CLNK: variants seen among roughly 807,000 people sequenced by gnomAD.
CLNK encodes cytokine-dependent hematopoietic cell linker.
A neutral mutation model predicts 68.6 loss-of-function variants in CLNK; 74 were observed. The ratio of observed to expected loss-of-function variants is 1.08; its 90% confidence interval spans 0.89 to 1.31. The LOEUF is 1.31. CLNK is among the 50% of genes most tolerant of loss of function. The pLI is 0.00. For synonymous variants in CLNK, 198 were observed against 172.2 expected, an observed-to-expected ratio of 1.15 and a Z score of -1.17; for missense variants, 553 against 515.3, an observed-to-expected ratio of 1.07 and a Z score of -0.71.
chr4:10,563,239 T>C (rs115308418), intron 7 of CLNK, among the ~76,000 whole-genome samples: 1 of 152,174 alleles, frequency 6.6e-6, no homozygotes, highest in Non-Finnish European at 1.5e-5. Flanking sequence ...CTAATAACTG[T>C]GGTGCAAACT....
intron 4 of CLNK, among the ~76,000 whole-genome samples, chr4:10,581,364 AAGAG>A (rs986954820): frequency 6.6e-6 from 1 of 152,152 alleles, no homozygotes; most frequent in African/African-American, 2.4e-5. Flanking sequence ...CACACATATA[AAGAG>A]AGAGGAGAGA....
chr4:10,628,632 C>T (rs191480076), intron 2 of CLNK, among the ~76,000 whole-genome samples: 159 of 152,308 alleles, frequency 1.0e-3, no homozygotes, highest in African/African-American at 3.6e-3. Context: ...GAACTGTGCA[C>T]AGTAGCCTCT....
At chr4:10,606,057 T>C (rs1354158076) in intron 2 of CLNK, among the ~76,000 whole-genome samples, 1 of 152,108 alleles carries the variant, frequency 6.6e-6, no homozygotes, top group African/African-American at 2.4e-5. Flanking sequence ...TAGCTTACTG[T>C]AATTTTTTAT....
intron 12 of CLNK, among the ~76,000 whole-genome samples, chr4:10,529,664 C>G (rs1396991527): frequency 6.6e-6 from 1 of 152,124 alleles, no homozygotes; most frequent in East Asian, 1.9e-4. Flanking sequence ...GAAAGTATCC[C>G]TACTGAGTCT....
chr4:10,561,171 G>A (rs1448943318), intron 7 of CLNK, among the ~76,000 whole-genome samples: 1 of 152,086 alleles, frequency 6.6e-6, no homozygotes, highest in African/African-American at 2.4e-5. Flanking sequence ...AAAATGTTGG[G>A]ATTACAGGCA....
chr4:10,613,844 G>T (rs548809330), intron 2 of CLNK, among the ~76,000 whole-genome samples: 5 of 151,962 alleles, frequency 3.3e-5, no homozygotes, highest in Admixed American at 2.0e-4. Context: ...GTTTTCCCTT[G>T]TTCCATCCTG....
At chr4:10,571,967 G>C (rs1720371142) in intron 4 of CLNK, among the ~76,000 whole-genome samples, 189 bp from the exon 5 acceptor site, 1 of 152,134 alleles carries the variant, frequency 6.6e-6, no homozygotes, top group Non-Finnish European at 1.5e-5. Flanking sequence ...TGCAAAACAG[G>C]ACAAAGAAAC....
intron 12 of CLNK, among the ~76,000 whole-genome samples, chr4:10,530,879 C>G (rs915223913): frequency 1.3e-5 from 2 of 152,160 alleles, no homozygotes; most frequent in African/African-American, 4.8e-5. Flanking sequence ...GCAACCCCTC[C>G]CAGAAGAGCA....
At chr4:10,653,199 G>T (rs1386547649) in intron 2 of CLNK, among the ~76,000 whole-genome samples, 2 of 152,064 alleles carry the variant, frequency 1.3e-5, no homozygotes, top group Non-Finnish European at 2.9e-5. Flanking sequence ...AGGAGATGGG[G>T]GGCTAGGGGA....
chr4:10,520,878 T>C, intron 14 of CLNK, 47 bp from the exon 15 acceptor site: 3 of 1,458,398 alleles, frequency 2.1e-6, no homozygotes, highest in Admixed American at 3.8e-5. Context: ...TATTTCCCCT[T>C]GGTGGTAAAA....
chr4:10,517,545 A>G (rs1179928464), intron 15 of CLNK: 1 of 152,208 alleles, frequency 6.6e-6, no homozygotes, highest in Non-Finnish European at 1.5e-5. Context: ...ACTAATACAC[A>G]ATAAAATTGA....
chr4:10,605,232 T>TTC (rs150754370), intron 2 of CLNK, among the ~76,000 whole-genome samples: 6 of 151,354 alleles, frequency 4.0e-5, no homozygotes, highest in African/African-American at 1.2e-4. Context: ...CTCTCTTGCT[T>TTC]TCTCTCTCTC....
chr4:10,513,578 C>T lies in CLNK; in HGVS notation c.792G>A (p.Gln264=). The T allele has an allele frequency of 6.2e-7, 1 of 1,603,492 alleles. No individual in the cohort carries two copies. The highest frequency in any genetic ancestry group is 8.5e-7 in the Non-Finnish European group (1 of 1,174,882). The stretch of plus-strand genomic sequence containing the variant: ...GCTGGCATCTCTGAGGAGAACAGGG[C>T]TGCATGCCTCCTCTATGATCTGGAA... ...VQNRDHRGGM[Q]PCSPQRCQPP... Residue 264 remains glutamine, a synonymous_variant, in exon 16 of 19, where the codon CAG becomes CAA. Transcript: ENST00000226951.
At chr4:10,559,483 T>G (rs1719806365) in intron 7 of CLNK, among the ~76,000 whole-genome samples, 1 of 152,058 alleles carries the variant, frequency 6.6e-6, no homozygotes, top group Non-Finnish European at 1.5e-5. Flanking sequence ...GCCAGAGGGT[T>G]TTTTCAATGT....
At chr4:10,499,787 G>A (rs1181443954) in intron 18 of CLNK, among the ~76,000 whole-genome samples, 1 of 152,110 alleles carries the variant, frequency 6.6e-6, no homozygotes, top group African/African-American at 2.4e-5. Context: ...CCCTCTCCTT[G>A]GTTTGCAGAT....
intron 14 of CLNK, among the ~76,000 whole-genome samples, chr4:10,521,928 T>C (rs1309048337): frequency 6.6e-6 from 1 of 151,958 alleles, no homozygotes; most frequent in East Asian, 1.9e-4. Context: ...ATAGTTGATA[T>C]GAATATAAGG....
At chr4:10,600,738 T>C (rs1047837909) in intron 2 of CLNK, among the ~76,000 whole-genome samples, 1 of 152,228 alleles carries the variant, frequency 6.6e-6, no homozygotes, top group Non-Finnish European at 1.5e-5. Flanking sequence ...GCCATGTAGT[T>C]AACTGGACAG....
Position 10,540,474 on chromosome 4 carries a change from A to G in CLNK, c.602+20T>C. ...CCACACTCTTGCTGGTCATTTCACC[A>G]TTGATGATGAATCTCTCACCTGGGC... On this transcript the variant is annotated intron_variant, in intron 11 of 18. Transcript: ENST00000226951. The G allele has an allele frequency of 1.3e-6, 2 of 1,559,296 alleles. No individual in the cohort carries two copies. The highest frequency in any genetic ancestry group is 8.8e-7 in the Non-Finnish European group (1 of 1,130,234).
intron 10 of CLNK, 88 bp downstream of exon 10, chr4:10,541,934 G>T: frequency 4.1e-6 from 4 of 980,754 alleles, no homozygotes; most frequent in Non-Finnish European, 1.5e-6. Context: ...GATTTTCAAT[G>T]TCAAATGTTT....
Sources: gnomAD v4.1 joint callset for allele counts (sites outside exome capture counted in the v4.1 genomes callset) on GRCh38, gnomAD v4.1.1 for gene constraint, MANE v1.5 for transcripts, NCBI Gene and HGNC (gene_info 2026-07-23, HGNC 2026-07-21) for gene names.